The following LINGO2 variants were observed in gnomAD, a reference collection of about 807,000 sequenced individuals.
LINGO2 encodes the protein leucine-rich repeat and immunoglobulin-like domain-containing nogo receptor-interacting protein 2.
LINGO2 carries 14 observed loss-of-function variants against 30.6 expected under a neutral mutation model. That is an observed-to-expected ratio of 0.46 (90% CI 0.30 to 0.72). LINGO2 has a LOEUF of 0.72. Ranked by LOEUF, LINGO2 falls within the 30% of genes least tolerant of loss-of-function variation. LINGO2 has a pLI of 0.07. For synonymous variants in LINGO2, 317 were observed against 288.5 expected (o/e 1.10, Z -1.00); for missense variants, 729 against 751.7 (o/e 0.97, Z 0.35).
the LINGO2 span, among the ~76,000 whole-genome samples, chr9:28,773,247 C>T: frequency 6.6e-6 from 1 of 151,272 alleles, no homozygotes; most frequent in African/African-American, 2.4e-5. Flanking sequence ...CGCCTGTAGT[C>T]GCAGCTACTC....
chr9:29,087,189 T>C, the LINGO2 span, among the ~76,000 whole-genome samples: 1 of 152,194 alleles, frequency 6.6e-6, no homozygotes, highest in African/African-American at 2.4e-5. Context: ...AGAAGTAATC[T>C]TTTTAATGTT....
the LINGO2 span, among the ~76,000 whole-genome samples, chr9:28,828,904 G>C: frequency 6.6e-6 from 1 of 152,148 alleles, no homozygotes; most frequent in African/African-American, 2.4e-5. Flanking sequence ...ACAGAAGGCA[G>C]GGAAATTCTG....
At chr9:28,732,988 T>G in the LINGO2 span, among the ~76,000 whole-genome samples, 1 of 152,186 alleles carries the variant, frequency 6.6e-6, no homozygotes, top group East Asian at 1.9e-4. Context: ...ACCAGACCCA[T>G]GAGCACATAG....
chr9:28,769,495 TATATATATATATATATA>T, the LINGO2 span, among the ~76,000 whole-genome samples: 1 of 11,722 alleles, frequency 8.5e-5, no homozygotes, highest in Non-Finnish European at 1.3e-4. Context: ...TATATATATA[TATATATATATATATATA>T]TATATATTTT....
intron 1 of LINGO2, among the ~76,000 whole-genome samples, chr9:28,571,264 T>C (rs1563833364): frequency 6.6e-6 from 1 of 152,044 alleles, no homozygotes. Context: ...TCCTAAGAAC[T>C]ACTGATAGAA....
At position 28,410,835 on chromosome 9, in the gene LINGO2, G is replaced by A. The variant is rs576818902; in HGVS notation, c.-278-37967C>T. ...TCTGATAAAATATGAAAACTCAATCGTCAGGCAAAAATTTCAACATGTTTC... is the reference window on the plus strand; with the variant it reads ...TCTGATAAAATATGAAAACTCAATCATCAGGCAAAAATTTCAACATGTTTC... On this transcript the variant is annotated intron_variant, in intron 2 of 5. Coordinates refer to ENST00000379992, the Ensembl canonical transcript of LINGO2. Among the ~76,000 whole-genome samples the A allele has an allele frequency of 6.6e-5, 10 of 152,024 alleles. No individual in the cohort carries two copies. The South Asian group carries it at 8.3e-4, about 13-fold the overall frequency.
the LINGO2 span, among the ~76,000 whole-genome samples, chr9:28,802,443 AT>A: frequency 1.3e-5 from 2 of 151,998 alleles, no homozygotes; most frequent in African/African-American, 4.8e-5. Context: ...ACTCTACTTT[AT>A]TTTATTGCCA....
At chr9:29,163,198 C>T in the LINGO2 span, among the ~76,000 whole-genome samples, 1 of 152,090 alleles carries the variant, frequency 6.6e-6, no homozygotes, top group South Asian at 2.1e-4. Flanking sequence ...CAGAAAACTG[C>T]TGAGGATGTA....
intron 4 of LINGO2, among the ~76,000 whole-genome samples, chr9:28,122,622 T>C (rs1827129644): frequency 6.6e-6 from 1 of 152,180 alleles, no homozygotes; most frequent in South Asian, 2.1e-4. Flanking sequence ...AGTATGAAAG[T>C]TGTACAATCG....
At chr9:28,008,960 C>T (rs1248985604) in intron 5 of LINGO2, among the ~76,000 whole-genome samples, 1 of 152,072 alleles carries the variant, frequency 6.6e-6, no homozygotes. Context: ...GGTGCCAAAA[C>T]AATCTCAAGA....
intron 4 of LINGO2, among the ~76,000 whole-genome samples, chr9:28,177,659 A>T (rs907985292): frequency 6.6e-6 from 1 of 152,180 alleles, no homozygotes; most frequent in South Asian, 2.1e-4. Flanking sequence ...TATGGTGGAA[A>T]TATAAAAAGG....
chr9:28,868,005 A>ATCCAGTTTACTT, the LINGO2 span, among the ~76,000 whole-genome samples: 44 of 152,316 alleles, frequency 2.9e-4, no homozygotes, highest in African/African-American at 1.0e-3. Context: ...TACTTAAGAC[A>ATCCAGTTTACTT]AAGTTTTCAG....
At chr9:28,779,866 T>G in the LINGO2 span, among the ~76,000 whole-genome samples, 118 of 152,228 alleles carry the variant, frequency 7.8e-4, no homozygotes, top group African/African-American at 2.7e-3. Flanking sequence ...ATTGCTCTAT[T>G]ATTTCACCTC....
intron 3 of LINGO2, among the ~76,000 whole-genome samples, chr9:28,348,041 T>C (rs1819661114): frequency 6.6e-6 from 1 of 152,196 alleles, no homozygotes; most frequent in South Asian, 2.1e-4. Context: ...AGAAGCTTTC[T>C]AGGTAAACAG....
intron 5 of LINGO2, among the ~76,000 whole-genome samples, chr9:27,957,781 TAATA>T (rs1390620994): frequency 6.6e-6 from 1 of 152,214 alleles, no homozygotes; most frequent in Non-Finnish European, 1.5e-5. Flanking sequence ...TTGATTAAAT[TAATA>T]AATCTATGGA....
At chr9:28,287,155 T>C (rs1823541880) in intron 4 of LINGO2, among the ~76,000 whole-genome samples, 1 of 152,126 alleles carries the variant, frequency 6.6e-6, no homozygotes, top group Non-Finnish European at 1.5e-5. Flanking sequence ...TAGAAACAAG[T>C]TCTTAGATTA....
chr9:29,135,940 C>T, the LINGO2 span, among the ~76,000 whole-genome samples: 1 of 152,150 alleles, frequency 6.6e-6, no homozygotes, highest in African/African-American at 2.4e-5. Context: ...CATATCATAG[C>T]ATGCGTCAGG....
At chr9:28,998,578 T>A in the LINGO2 span, among the ~76,000 whole-genome samples, 1 of 152,104 alleles carries the variant, frequency 6.6e-6, no homozygotes, top group African/African-American at 2.4e-5. Flanking sequence ...AGGTACAATT[T>A]AATTTGAATT....
chr9:27,967,772 C>T (rs1429525781), intron 5 of LINGO2, among the ~76,000 whole-genome samples: 1 of 151,956 alleles, frequency 6.6e-6, no homozygotes, highest in Non-Finnish European at 1.5e-5. Flanking sequence ...TAACTCTGAC[C>T]TTTGTTAATG....
Sources: gnomAD v4.1 joint callset for allele counts (sites outside exome capture counted in the v4.1 genomes callset) on GRCh38, gnomAD v4.1.1 for gene constraint, MANE v1.5 for transcripts, NCBI Gene and HGNC (gene_info 2026-07-23, HGNC 2026-07-21) for gene names.